The following NRXN2 variants were observed in gnomAD, a reference collection of about 807,000 sequenced individuals.
NRXN2 encodes the protein neurexin 2.
A neutral mutation model predicts 128.8 loss-of-function variants in NRXN2; 29 were observed. That is an observed-to-expected ratio of 0.23 (90% confidence interval 0.17 to 0.31). NRXN2 has a LOEUF of 0.31. Among genes scored for constraint, NRXN2 ranks in the 10% least tolerant of loss-of-function variants. The probability of loss-of-function intolerance (pLI) is 1.00; values close to 1 mark genes in which losing one functional copy is unlikely to be tolerated. For missense variants in NRXN2, 1,881 were observed against 2,452.6 expected (o/e 0.77, Z 4.92); for synonymous variants, 1,098 against 1,075.2 (o/e 1.02, Z -0.41).
In NRXN2 at chr11:64,648,194, G is replaced by GC; in HGVS notation, c.3403+24dup. 6.2e-7 allele frequency: 1 copy of GC among 1,613,856 alleles called. No individual in the cohort carries two copies. Among genetic ancestry groups the GC allele is most frequent in the East Asian group, 2.2e-5 (1 of 44,886 alleles). The stretch of plus-strand genomic sequence containing the variant: ...GAATGGACCCTGGTCTCCCCAAACT[G>GC]CCCCCAGCCCTCCCAGGCACTCACG... On this transcript the variant is annotated intron_variant, in intron 17 of 22. Coordinates refer to ENST00000265459, the MANE Select transcript of NRXN2 (RefSeq NM_015080.4). This position sits in a 1 kb window ranked among gnomAD's most constrained non-coding sequence, Gnocchi z 4.1.
In NRXN2 at chr11:64,607,862, C is replaced by T. The variant is rs147181969; in HGVS notation, c.4473G>A (p.Glu1491=). ...CCTCCCCGGAGGCGAAGCCCGAGGC[C>T]TCGATGGGCTCCTCGCAGTCGCTGT... is the stretch of plus-strand genomic sequence containing the variant. ...RDDSDCEEPI[E]ASGFASGEVF... Residue 1491 remains glutamate, a synonymous_variant, in exon 23 of 23, where the codon GAG becomes GAA. Transcript: ENST00000265459. The T allele has an allele frequency of 2.6e-5, 41 of 1,593,336 alleles. No individual in the cohort carries two copies. The African/African-American group carries it at 4.8e-4, about 19-fold the overall frequency.
chr11:64,700,752 A>T (rs1174653913), intron 2 of NRXN2, among the ~76,000 whole-genome samples: 2 of 152,056 alleles, frequency 1.3e-5, no homozygotes, highest in Non-Finnish European at 2.9e-5. Flanking sequence ...TGTGATGAGA[A>T]CCTTTCAGTG....
At chr11:64,620,900 C>G (rs756028463) in intron 21 of NRXN2, among the ~76,000 whole-genome samples, 2 of 151,328 alleles carry the variant, frequency 1.3e-5, no homozygotes, top group African/African-American at 2.4e-5. Context: ...CTGTGGTTGC[C>G]ATGACGACAA....
intron 11 of NRXN2, among the ~76,000 whole-genome samples, chr11:64,658,251 T>A (rs538495777): frequency 6.6e-6 from 1 of 152,284 alleles, no homozygotes; most frequent in East Asian, 1.9e-4. Context: ...AACACACATA[T>A]GCCCAGGCAA....
chr11:64,657,655 A>C (rs1258696937), intron 11 of NRXN2, among the ~76,000 whole-genome samples: 4 of 152,218 alleles, frequency 2.6e-5, no homozygotes, highest in Non-Finnish European at 5.9e-5. Context: ...ACAGTAAAAG[A>C]TACCAAAGTT....
chr11:64,611,134 C>T (rs1031740913), intron 22 of NRXN2, among the ~76,000 whole-genome samples: 3 of 152,198 alleles, frequency 2.0e-5, no homozygotes, highest in South Asian at 4.1e-4. Flanking sequence ...AATTGGGGCT[C>T]GTTATGCTTT....
At chr11:64,612,123 C>T (rs1315038667) in intron 22 of NRXN2, among the ~76,000 whole-genome samples, 1 of 152,198 alleles carries the variant, frequency 6.6e-6, no homozygotes. Flanking sequence ...ACGTAGGGTG[C>T]TGGGCTTTCC....
At chr11:64,608,677 TTCTG>T (rs1225895900) in intron 22 of NRXN2, among the ~76,000 whole-genome samples, 1 of 152,174 alleles carries the variant, frequency 6.6e-6, no homozygotes, top group Non-Finnish European at 1.5e-5. Flanking sequence ...GTACAACGTT[TTCTG>T]TCTATCTGTT....
chr11:64,634,585 T>A (rs1453937630), intron 18 of NRXN2, among the ~76,000 whole-genome samples: 1 of 151,986 alleles, frequency 6.6e-6, no homozygotes, highest in African/African-American at 2.4e-5. Context: ...GGGCTAGGGC[T>A]TCTCCCTGTG....
Position 64,607,090 on chromosome 11 carries a change from G to A in NRXN2, c.*106C>T. ...TTTCCTCTTCGTAAGAGAAGCCTGA[G>A]GCAGCCAGGGAGAGGGTCCCCAGGC... On this transcript the variant is annotated 3_prime_UTR_variant, in exon 23 of 23. Transcript: ENST00000265459. 8.1e-7 allele frequency: 1 copy of A among 1,235,636 alleles called. No homozygotes were observed. Among genetic ancestry groups the A allele is most frequent in the Non-Finnish European group, 1.1e-6 (1 of 890,392 alleles). 76.5% of individuals were successfully genotyped at this position (1,235,636 alleles called of 1,614,324 possible). A position where few individuals can be genotyped will look rare whatever the true frequency, so the allele number is the denominator to read the frequency against.
chr11:64,678,744 A>G (rs2051722128), intron 6 of NRXN2, among the ~76,000 whole-genome samples: 1 of 152,106 alleles, frequency 6.6e-6, no homozygotes, highest in African/African-American at 2.4e-5. Context: ...TTAGAGATGG[A>G]GGGACATTAT....
In NRXN2 at chr11:64,622,906, C is replaced by A. The variant is rs745359054; in HGVS notation, c.4020G>T (p.Val1340=). The part of the protein sequence containing the change: ...NVRTEGHLRL[V]GEGPSVLLSA... ...TGAGCAGCACGGACGGCCCCTCCCC[C>A]ACCAGGCGCAGGTGACCCTCAGTCC... Residue 1340 remains valine, a synonymous_variant, in exon 21 of 23, where the codon GTG becomes GTT. Transcript: ENST00000265459. This position sits in a 1 kb window ranked among gnomAD's most constrained non-coding sequence, Gnocchi z 4.3. The A allele has an allele frequency of 2.0e-5, 32 of 1,613,086 alleles. No individual in the cohort carries two copies. The highest frequency in any genetic ancestry group is 3.3e-5 in the Admixed American group (2 of 59,942).
At chr11:64,609,499 A>T (rs1331899935) in intron 22 of NRXN2, among the ~76,000 whole-genome samples, 2 of 152,182 alleles carry the variant, frequency 1.3e-5, no homozygotes, top group African/African-American at 4.8e-5. Flanking sequence ...TGATAACTGG[A>T]GTCCCTTGGG....
intron 3 of NRXN2, among the ~76,000 whole-genome samples, chr11:64,693,456 A>G (rs1315429697): frequency 6.6e-6 from 1 of 152,110 alleles, no homozygotes; most frequent in East Asian, 1.9e-4. Context: ...CATGGGATTA[A>G]GCGGGCAAGG....
Position 64,651,701 on chromosome 11 carries a change from C to T in NRXN2, c.2537-65G>A. The T allele has an allele frequency of 6.3e-7, 1 of 1,582,846 alleles. No homozygotes were observed. The highest frequency in any genetic ancestry group is 8.6e-7 in the Non-Finnish European group (1 of 1,160,478). ...GGGGCAGGGCTGGGGCTTGGGTTCC[C>T]AGGAGCCTCCCCTCCACAGGAGGGC... On this transcript the variant is annotated intron_variant, in intron 13 of 22. Coordinates refer to ENST00000265459, the MANE Select transcript of NRXN2 (RefSeq NM_015080.4). The surrounding 1 kb of genome is among the most constrained non-coding windows in gnomAD (Gnocchi z 5.9).
Position 64,623,414 on chromosome 11 carries a change from T to C in NRXN2, c.3848-336A>G. ...TCTCCTCTCCAGCTCCAAGGTCATC[T>C]CCCCTCTTCATCCTCTTCCCTCAGT... On this transcript the variant is annotated intron_variant, in intron 20 of 22. Coordinates refer to ENST00000265459, the MANE Select transcript of NRXN2 (RefSeq NM_015080.4). The surrounding 1 kb of genome is among the most constrained non-coding windows in gnomAD (Gnocchi z 4.9). 1 of 380,792 alleles carries C rather than the reference T, an allele frequency of 2.6e-6. No homozygotes were observed. Among genetic ancestry groups the C allele is most frequent in the Non-Finnish European group, 4.9e-6 (1 of 204,684 alleles). 23.6% of individuals were successfully genotyped at this position (380,792 alleles called of 1,614,324 possible).
intron 1 of NRXN2, among the ~76,000 whole-genome samples, chr11:64,719,761 C>T (rs992134294): frequency 1.3e-5 from 2 of 152,080 alleles, no homozygotes; most frequent in African/African-American, 4.8e-5. Flanking sequence ...GGCGGGTGCA[C>T]CCCAGTGATG....
At chr11:64,657,995 C>T (rs2048499275) in intron 11 of NRXN2, among the ~76,000 whole-genome samples, 1 of 152,140 alleles carries the variant, frequency 6.6e-6, no homozygotes, top group Non-Finnish European at 1.5e-5. Flanking sequence ...CTTCTGAGCA[C>T]TTATGTGGCA....
chr11:64,617,170 G>A (rs2041660657), intron 22 of NRXN2, among the ~76,000 whole-genome samples: 1 of 152,074 alleles, frequency 6.6e-6, no homozygotes, highest in South Asian at 2.1e-4. Context: ...ACGTGTGTGT[G>A]TGTGTATGTG....
Sources: gnomAD v4.1 joint callset for allele counts (sites outside exome capture counted in the v4.1 genomes callset) on GRCh38, gnomAD v4.1.1 for gene constraint, Gnocchi (gnomAD v3.1) non-coding constraint, MANE v1.5 for transcripts, NCBI Gene and HGNC (gene_info 2026-07-23, HGNC 2026-07-21) for gene names.